FLNB: variants seen among roughly 807,000 people sequenced by gnomAD.
FLNB encodes filamin B, also known as filamin-B.
In FLNB, 111 loss-of-function variants were observed where a neutral mutation model predicts 250.6. The ratio of observed to expected loss-of-function variants is 0.44; its 90% CI spans 0.38 to 0.52. The LOEUF (loss-of-function observed/expected upper bound fraction) is 0.52. Ranked by LOEUF, FLNB falls within the 20% of genes least tolerant of loss-of-function variation. The pLI, the probability that FLNB is intolerant of heterozygous loss-of-function variation, is 0.00. For missense variants in FLNB, 2,869 were observed against 3,447.8 expected (o/e 0.83, Z 4.20); for synonymous variants, 1,302 against 1,372.1 (o/e 0.95, Z 1.13).
chr3:58,071,289 T>C (rs2097194119), intron 1 of FLNB, among the ~76,000 whole-genome samples: 1 of 144,584 alleles, frequency 6.9e-6, no homozygotes. Flanking sequence ...TTTTTTTTTT[T>C]TTTTTTTGAG....
At chr3:58,131,833 G>A in intron 25 of FLNB, 2 of 849,288 alleles carry the variant, frequency 2.4e-6, no homozygotes, top group Non-Finnish European at 3.8e-6. Context: ...GTGTATGTGT[G>A]AATGAGAGAG....
intron 1 of FLNB, among the ~76,000 whole-genome samples, chr3:58,046,294 G>C (rs1406152337): frequency 6.6e-6 from 1 of 151,930 alleles, no homozygotes; most frequent in Admixed American, 6.6e-5. Flanking sequence ...GAGCTTGCAG[G>C]CTAGAGGAAT....
At chr3:58,122,496 CAA>C (rs11320902) in intron 20 of FLNB, among the ~76,000 whole-genome samples, 155 of 130,756 alleles carry the variant, frequency 1.2e-3, no homozygotes, top group Admixed American at 2.3e-3. Flanking sequence ...CCGTCCCCTC[CAA>C]AAAAAAAAAA....
At chr3:58,156,700 TTTG>T (rs1295412677) in intron 41 of FLNB, among the ~76,000 whole-genome samples, 2 of 152,048 alleles carry the variant, frequency 1.3e-5, no homozygotes, top group East Asian at 1.9e-4. Context: ...TTTTTGTTTG[TTTG>T]TTGTTGTTGT....
At chr3:58,055,580 G>A (rs2097169229) in intron 1 of FLNB, among the ~76,000 whole-genome samples, 1 of 152,224 alleles carries the variant, frequency 6.6e-6, no homozygotes, top group African/African-American at 2.4e-5. Context: ...TGGGGACACA[G>A]CCAAACCACA....
chr3:58,052,773 A>G (rs1386157347), intron 1 of FLNB, among the ~76,000 whole-genome samples: 1 of 152,154 alleles, frequency 6.6e-6, no homozygotes, highest in Admixed American at 6.5e-5. Context: ...AATGATATGG[A>G]CAGTATGCTC....
At chr3:58,072,224 T>A (rs533320685) in intron 1 of FLNB, among the ~76,000 whole-genome samples, 28 of 152,298 alleles carry the variant, frequency 1.8e-4, no homozygotes, top group Admixed American at 4.6e-4. Flanking sequence ...ACCAGTTATG[T>A]GGGAATTGTT....
At chr3:58,157,368 CA>C (rs2097354943) in intron 41 of FLNB, among the ~76,000 whole-genome samples, 1 of 152,170 alleles carries the variant, frequency 6.6e-6, no homozygotes, top group African/African-American at 2.4e-5. Flanking sequence ...TTGGTGATAT[CA>C]TTGGCTTTAG....
intron 43 of FLNB, among the ~76,000 whole-genome samples, chr3:58,167,295 G>A (rs905245013): frequency 6.6e-6 from 1 of 152,004 alleles, no homozygotes; most frequent in Non-Finnish European, 1.5e-5. Context: ...ATACCATGAT[G>A]AGGTTGAGAT....
At chr3:58,049,435 T>C (rs539156991) in intron 1 of FLNB, among the ~76,000 whole-genome samples, 1 of 152,210 alleles carries the variant, frequency 6.6e-6, no homozygotes, top group Non-Finnish European at 1.5e-5. Context: ...CCTTGCTAGG[T>C]ATTAGCAGAG....
chr3:58,039,126 C>G (rs1315151283), intron 1 of FLNB, among the ~76,000 whole-genome samples: 2 of 143,838 alleles, frequency 1.4e-5, no homozygotes, highest in African/African-American at 5.2e-5. Context: ...CACGTGGGCT[C>G]AAGGAATGAA....
At chr3:58,036,408 G>T (rs539891433) in intron 1 of FLNB, among the ~76,000 whole-genome samples, 1 of 152,282 alleles carries the variant, frequency 6.6e-6, no homozygotes, top group African/African-American at 2.4e-5. Flanking sequence ...CAGGAAGTGG[G>T]GAGTGCTGAT....
Position 58,108,521 on chromosome 3 carries a change from A to T in FLNB, c.2005A>T (p.Thr669Ser), listed in dbSNP as rs147481678. ...CATTGTCAACAACCTGGCCGAGTTC[A>T]CTGTGGATCCTAAGGATGCTGGAAA... is the stretch of plus-strand genomic sequence containing the variant. Reference protein sequence around the residue: ...GCIVNNLAEFTVDPKDAGKAP... With the variant: ...GCIVNNLAEFSVDPKDAGKAP... Residue 669 changes from threonine to serine, a missense_variant, in exon 13 of 46, where the codon ACT becomes TCT. Thr to Ser is a moderately conservative substitution (Grantham distance 58). Coordinates refer to ENST00000295956, the MANE Select transcript of FLNB (RefSeq NM_001457.4). 1.2e-6 allele frequency: 2 copies of T among 1,614,012 alleles called. No individual in the cohort carries two copies. Among genetic ancestry groups the T allele is most frequent in the Non-Finnish European group, 1.7e-6 (2 of 1,180,004 alleles).
At position 58,096,225 on chromosome 3, in the gene FLNB, T is replaced by C; in HGVS notation, c.984+7T>C. The C allele has an allele frequency of 6.2e-7, 1 of 1,608,360 alleles. No homozygotes were observed. Among genetic ancestry groups the C allele is most frequent in the Non-Finnish European group, 8.5e-7 (1 of 1,174,896 alleles). ...GGTCACCGGGCTACACAAAGTAAGA[T>C]GAAGCAGCATGGCTGTGGCTTGGGC... is the stretch of plus-strand genomic sequence containing the variant. On this transcript the variant is annotated splice_region_variant and intron_variant, in intron 6 of 45. Transcript: ENST00000295956.
At chr3:58,126,888 T>A in intron 24 of FLNB, 126 bp downstream of exon 24, 2 of 858,284 alleles carry the variant, frequency 2.3e-6, no homozygotes, top group Non-Finnish European at 3.8e-6. Context: ...AAGGAGAGTT[T>A]TTCTTAGGGC....
intron 1 of FLNB, among the ~76,000 whole-genome samples, chr3:58,015,341 C>T (rs1389414301): frequency 1.3e-5 from 2 of 152,204 alleles, no homozygotes; most frequent in African/African-American, 2.4e-5. Flanking sequence ...TTTGTCTTGT[C>T]TTCTGTCTAT....
At chr3:58,070,658 CTCT>C (rs766405785) in intron 1 of FLNB, among the ~76,000 whole-genome samples, 6,945 of 101,188 alleles carry the variant, frequency 0.069, 397 homozygotes, top group African/African-American at 0.31. Context: ...CTCTCTCTCT[CTCT>C]TTTTTTTTTT....
At position 58,171,092 on chromosome 3, in the gene FLNB, C is replaced by G. The variant is rs1429003301; in HGVS notation, c.*330C>G. On this transcript the variant is annotated 3_prime_UTR_variant, in exon 46 of 46. Transcript: ENST00000295956. The surrounding 1 kb of genome is among the most constrained non-coding windows in gnomAD (Gnocchi z 5.5). ...TGACATTTCAAAAAAACAAAACTGGCTAGCCTGAGCTGCTGGTTCACTCTT... is the reference window on the plus strand; with the variant it reads ...TGACATTTCAAAAAAACAAAACTGGGTAGCCTGAGCTGCTGGTTCACTCTT... 1 of 299,454 alleles carries G rather than the reference C, an allele frequency of 3.3e-6. No individual in the cohort carries two copies. The highest frequency in any genetic ancestry group is 8.0e-5 in the East Asian group (1 of 12,462). 18.5% of individuals were successfully genotyped at this position (299,454 alleles called of 1,614,324 possible).
In FLNB at chr3:58,110,003, G is replaced by A. The variant is rs1447135549; in HGVS notation, c.2324-7G>A. 1 of 1,614,050 alleles carries A rather than the reference G, an allele frequency of 6.2e-7. No homozygotes were observed. Among genetic ancestry groups the A allele is most frequent in the Non-Finnish European group, 8.5e-7 (1 of 1,180,016 alleles). On this transcript the variant is annotated splice_region_variant and splice_polypyrimidine_tract_variant and intron_variant, in intron 15 of 45. Coordinates refer to ENST00000295956, the MANE Select transcript of FLNB (RefSeq NM_001457.4). ...TAAGCTGGTGCTAATAAGCTGGTCT[G>A]TTCCAGGTGATGTCAGTGTTGGCAT...
Sources: allele counts gnomAD v4.1 joint callset (sites outside exome capture counted in the v4.1 genomes callset), GRCh38; gene constraint gnomAD v4.1.1; non-coding constraint Gnocchi (gnomAD v3.1); transcripts MANE v1.5; gene names NCBI Gene and HGNC (gene_info 2026-07-23, HGNC 2026-07-21).